Variants in SAMD5 observed in about 807,000 individuals in gnomAD.
The protein encoded by SAMD5 is sterile alpha motif domain-containing protein 5.
Under a neutral mutation model 11.3 loss-of-function variants are expected in SAMD5, and 13 were observed. That is an observed-to-expected ratio of 1.15 (90% CI 0.75 to 1.83). SAMD5 has a LOEUF of 1.83. Ranked by LOEUF, SAMD5 falls within the 40% of genes most tolerant of loss-of-function variation. SAMD5 has a pLI of 0.00. For missense variants in SAMD5, 255 were observed against 239.1 expected (o/e 1.07, Z -0.44); for synonymous variants, 129 against 111.3 (o/e 1.16, Z -1.00).
chr6:147,571,752 C>CA (rs1789141467), downstream of SAMD5, among the ~76,000 whole-genome samples: 1 of 152,098 alleles, frequency 6.6e-6, no homozygotes, highest in South Asian at 2.1e-4. Flanking sequence ...ATAGCATTTA[C>CA]AAAAATAGCC....
chr6:147,611,022 A>G (rs559725662), intron 1 of SAMD5, among the ~76,000 whole-genome samples: 15 of 152,060 alleles, frequency 9.9e-5, no homozygotes, highest in African/African-American at 3.4e-4. Flanking sequence ...GGTATATGCC[A>G]CGACGCCCGG....
At chr6:147,733,169 C>A (rs772176492) in intron 1 of SAMD5, among the ~76,000 whole-genome samples, 2 of 152,110 alleles carry the variant, frequency 1.3e-5, no homozygotes, top group Admixed American at 6.5e-5. Flanking sequence ...AGCAAGTTTA[C>A]CTTTTTCCTG....
intron 1 of SAMD5, among the ~76,000 whole-genome samples, chr6:147,725,293 A>T (rs1471269604): frequency 1.3e-5 from 2 of 151,982 alleles, no homozygotes; most frequent in Non-Finnish European, 2.9e-5. Context: ...CACACAAAGT[A>T]GACATGGACC....
the SAMD5 span, among the ~76,000 whole-genome samples, chr6:147,945,504 A>T: frequency 6.6e-5 from 10 of 152,248 alleles, no homozygotes; most frequent in Admixed American, 4.6e-4. Flanking sequence ...GTAATAGAAA[A>T]TAAAATACTA....
chr6:147,598,617 G>A (rs1377159082), intron 1 of SAMD5, among the ~76,000 whole-genome samples: 1 of 152,132 alleles, frequency 6.6e-6, no homozygotes, highest in African/African-American at 2.4e-5. Context: ...ATGAGAAATT[G>A]CACTGGGAAG....
chr6:147,898,090 G>A, the SAMD5 span, among the ~76,000 whole-genome samples: 1 of 151,768 alleles, frequency 6.6e-6, no homozygotes, highest in African/African-American at 2.4e-5. Context: ...TGTCTTGTCA[G>A]GCTCCAAATC....
intron 1 of SAMD5, among the ~76,000 whole-genome samples, chr6:147,621,586 C>T (rs1234198127): frequency 6.6e-6 from 1 of 152,212 alleles, no homozygotes; most frequent in Non-Finnish European, 1.5e-5. Context: ...ATTCATTTTT[C>T]TTCGCTAGTG....
intron 1 of SAMD5, among the ~76,000 whole-genome samples, chr6:147,610,832 T>C (rs909266796): frequency 2.0e-5 from 3 of 151,716 alleles, no homozygotes; most frequent in African/African-American, 4.8e-5. Flanking sequence ...TGGAGAGAGA[T>C]TGATGCGGAT....
At chr6:147,674,138 C>CA (rs1735771220) in intron 1 of SAMD5, among the ~76,000 whole-genome samples, 1 of 152,078 alleles carries the variant, frequency 6.6e-6, no homozygotes. Flanking sequence ...AAAAGGGGGA[C>CA]AGGGGCTGTC....
the SAMD5 span, among the ~76,000 whole-genome samples, chr6:147,797,819 G>T: frequency 9.3e-3 from 1,384 of 148,958 alleles, 24 homozygotes; most frequent in African/African-American, 0.033. Flanking sequence ...GTCGAGGAAT[G>T]TATCCATTTC....
the SAMD5 span, among the ~76,000 whole-genome samples, chr6:147,807,099 G>GTTTT: frequency 6.6e-6 from 1 of 151,650 alleles, no homozygotes; most frequent in Non-Finnish European, 1.5e-5. Context: ...GTTTTGTTTT[G>GTTTT]TTTTTTGTTT....
chr6:147,658,273 T>C (rs1180759824), intron 1 of SAMD5, among the ~76,000 whole-genome samples: 1 of 152,172 alleles, frequency 6.6e-6, no homozygotes, highest in African/African-American at 2.4e-5. Flanking sequence ...TATTATTTCA[T>C]AGCTCTTTTT....
At chr6:147,583,876 T>G (rs1019397012) in intron 1 of SAMD5, among the ~76,000 whole-genome samples, 1 of 151,316 alleles carries the variant, frequency 6.6e-6, no homozygotes, top group African/African-American at 2.4e-5. Flanking sequence ...AATTTATTAG[T>G]AAAAACAACT....
At position 147,635,658 on chromosome 6, in the gene SAMD5, GA is replaced by G. The variant is rs1790219788; in HGVS notation, c.163-101657del. On this transcript the variant is annotated intron_variant, in intron 1 of 1. Transcript: ENST00000566741. The stretch of plus-strand genomic sequence containing the variant: ...CTCACGTGGCTGACCACAGCCAATG[GA>G]ATAATAGGAGACATCATGTAAGCAG... Among the ~76,000 whole-genome samples the G allele has an allele frequency of 2.6e-5, 4 of 152,324 alleles. No homozygotes were observed. In the South Asian group the frequency reaches 8.3e-4, roughly 32 times the overall value.
intron 1 of SAMD5, among the ~76,000 whole-genome samples, chr6:147,541,770 G>T (rs1788607815): frequency 6.6e-6 from 1 of 152,116 alleles, no homozygotes; most frequent in South Asian, 2.1e-4. Context: ...CCTTCCAAAT[G>T]ATTGTCCTAT....
chr6:147,716,209 C>T (rs1389558887), intron 1 of SAMD5, among the ~76,000 whole-genome samples: 1 of 152,206 alleles, frequency 6.6e-6, no homozygotes, highest in Non-Finnish European at 1.5e-5. Context: ...GTGCTCGTCA[C>T]CCCCCAAAGT....
At chr6:147,598,559 T>C (rs925200563) in intron 1 of SAMD5, among the ~76,000 whole-genome samples, 5 of 152,158 alleles carry the variant, frequency 3.3e-5, no homozygotes, top group Admixed American at 6.5e-5. Context: ...TGTGTCTACA[T>C]AGGTTAAAAA....
intron 1 of SAMD5, among the ~76,000 whole-genome samples, chr6:147,707,618 C>T (rs539460457): frequency 8.5e-5 from 13 of 152,266 alleles, no homozygotes; most frequent in African/African-American, 3.1e-4. Context: ...TAGAGACATT[C>T]ATTCAGAGTT....
intron 1 of SAMD5, among the ~76,000 whole-genome samples, chr6:147,638,436 A>G (rs1234376367): frequency 6.6e-6 from 1 of 152,194 alleles, no homozygotes; most frequent in East Asian, 1.9e-4. Context: ...CATTTTCTCC[A>G]TCCATTCTGT....
Sources: gnomAD v4.1 joint callset for allele counts (sites outside exome capture counted in the v4.1 genomes callset) on GRCh38, gnomAD v4.1.1 for gene constraint, MANE v1.5 for transcripts, NCBI Gene and HGNC (gene_info 2026-07-23, HGNC 2026-07-21) for gene names.